The following SCTR variants were observed in gnomAD, a reference collection of about 807,000 sequenced individuals.
The protein encoded by SCTR is secretin receptor, also known as pancreatic secretin receptor.
A neutral mutation model predicts 60.8 loss-of-function variants in SCTR; 56 were observed. The ratio of observed to expected loss-of-function variants is 0.92; its 90% CI spans 0.74 to 1.15. SCTR has a LOEUF of 1.15. Ranked by LOEUF, SCTR falls within the 50% of genes most tolerant of loss-of-function variation. The pLI, the probability that SCTR is intolerant of heterozygous loss-of-function variation, is 0.00. For synonymous variants in SCTR, 202 were observed against 217.0 expected (o/e 0.93, Z 0.61); for missense variants, 562 against 550.4 (o/e 1.02, Z -0.21).
At chr2:119,513,052 C>A (rs182745927) in intron 1 of SCTR, among the ~76,000 whole-genome samples, 3 of 152,290 alleles carry the variant, frequency 2.0e-5, no homozygotes, top group East Asian at 3.9e-4. Context: ...TGCCTGGTGG[C>A]CTTCACTGTA....
chr2:119,507,547 A>G (rs1194473023), intron 1 of SCTR, among the ~76,000 whole-genome samples: 4 of 152,020 alleles, frequency 2.6e-5, no homozygotes, highest in Non-Finnish European at 5.9e-5. Flanking sequence ...AGCAGCAGTT[A>G]TTAGTTTAAA....
At chr2:119,445,211 T>A (rs1682880872) in intron 11 of SCTR, among the ~76,000 whole-genome samples, 1 of 152,226 alleles carries the variant, frequency 6.6e-6, no homozygotes, top group African/African-American at 2.4e-5. Flanking sequence ...GTCCCTTTTC[T>A]GAGCCAGGTC....
intron 7 of SCTR, among the ~76,000 whole-genome samples, chr2:119,455,280 A>AC (rs377313582): frequency 8.6e-5 from 13 of 151,924 alleles, no homozygotes; most frequent in East Asian, 3.9e-4. Flanking sequence ...CCATGGGGGG[A>AC]CCCCCCAACA....
At chr2:119,504,081 C>T (rs886945844) in intron 1 of SCTR, among the ~76,000 whole-genome samples, 2 of 152,116 alleles carry the variant, frequency 1.3e-5, no homozygotes, top group Admixed American at 6.5e-5. Context: ...GATCAATGGA[C>T]ACAATAGAAA....
chr2:119,494,455 C>T lies in SCTR; in HGVS notation c.166G>A (p.Asp56Asn). The T allele has an allele frequency of 1.2e-6, 2 of 1,614,004 alleles. No homozygotes were observed. Among genetic ancestry groups the T allele is most frequent in the Non-Finnish European group, 8.5e-7 (1 of 1,179,950 alleles). The change falls in exon 2 of 13, where the codon GAC becomes AAC. Residue 56 changes from aspartate to asparagine, a missense_variant. Coordinates refer to ENST00000019103, the MANE Select transcript of SCTR (RefSeq NM_002980.3). ...GGCACTGGCTGCTCCGTGCCCAGGT[C>T]TCCTGTCTGCTCTCTGGAGAGTTCC... is the stretch of plus-strand genomic sequence containing the variant. ...LQELSREQTG[D>N]LGTEQPVPGC...
intron 1 of SCTR, among the ~76,000 whole-genome samples, chr2:119,506,897 G>A (rs566713044): frequency 5.3e-5 from 8 of 152,226 alleles, no homozygotes; most frequent in African/African-American, 1.9e-4. Context: ...CACCATGAAG[G>A]GCCCTTGTGA....
intron 1 of SCTR, among the ~76,000 whole-genome samples, chr2:119,497,563 T>C (rs145976029): frequency 2.3e-3 from 341 of 148,840 alleles, no homozygotes; most frequent in African/African-American, 7.9e-3. Context: ...TAGAAACAAA[T>C]GTAGAAATAC....
At chr2:119,464,030 G>A (rs1211749609) in intron 6 of SCTR, 93 bp downstream of exon 6, 1 of 1,352,010 alleles carries the variant, frequency 7.4e-7, no homozygotes, top group Non-Finnish European at 1.1e-6. Context: ...GCAGGGGCTT[G>A]GGGGAAGGAC....
intron 1 of SCTR, among the ~76,000 whole-genome samples, chr2:119,519,298 T>C (rs1249502182): frequency 3.3e-5 from 5 of 152,192 alleles, no homozygotes; most frequent in African/African-American, 9.6e-5. Context: ...CTAAACTGTT[T>C]GGGAACTGGT....
chr2:119,462,531 G>T (rs558643120), intron 6 of SCTR, among the ~76,000 whole-genome samples: 1 of 152,332 alleles, frequency 6.6e-6, no homozygotes, highest in South Asian at 2.1e-4. Flanking sequence ...ATATCTGATG[G>T]GGATGTCATG....
At position 119,524,300 on chromosome 2, in the gene SCTR, C is replaced by T. The variant is rs888822201; in HGVS notation, c.-74G>A. 12 of 1,059,520 alleles carry T rather than the reference C, an allele frequency of 1.1e-5. No homozygotes were observed. The highest frequency in any genetic ancestry group is 1.3e-5 in the Non-Finnish European group (10 of 794,112). 65.6% of individuals were successfully genotyped at this position (1,059,520 alleles called of 1,614,324 possible). A position where few individuals can be genotyped will look rare whatever the true frequency, so the allele number is the denominator to read the frequency against. On this transcript the variant is annotated 5_prime_UTR_variant, in exon 1 of 13. Transcript: ENST00000019103. ...CCTCTGCCCGCTCGGGAGCTCAGCG[C>T]CCCGCGCAGGGTCCCGGGCTCCGGC...
Position 119,453,992 on chromosome 2 carries a change from A to G in SCTR, c.791-645T>C, listed in dbSNP as rs559943879. Among the ~76,000 whole-genome samples, 4 of 152,348 alleles carry G rather than the reference A, an allele frequency of 2.6e-5. No individual in the cohort carries two copies. In the East Asian group the frequency reaches 7.7e-4, roughly 29 times the overall value. ...TATACATTTATCCCTACTTCCCCTG[A>G]AGCCCCTCTAAAATGATAATAAAGA... On this transcript the variant is annotated intron_variant, in intron 7 of 12. Coordinates refer to ENST00000019103, the MANE Select transcript of SCTR (RefSeq NM_002980.3).
chr2:119,520,578 A>T (rs1230991282), intron 1 of SCTR, among the ~76,000 whole-genome samples: 1 of 152,220 alleles, frequency 6.6e-6, no homozygotes, highest in African/African-American at 2.4e-5. Context: ...ATCCAGATGC[A>T]TGACCGGACA....
At chr2:119,488,030 C>G (rs769653679) in intron 2 of SCTR, among the ~76,000 whole-genome samples, 2 of 152,172 alleles carry the variant, frequency 1.3e-5, no homozygotes, top group Non-Finnish European at 2.9e-5. Context: ...ACATCACACC[C>G]GCTCCACACT....
At chr2:119,482,049 C>G (rs2104860434) in intron 2 of SCTR, among the ~76,000 whole-genome samples, 1 of 152,326 alleles carries the variant, frequency 6.6e-6, no homozygotes, top group South Asian at 2.1e-4. Context: ...GAAGTGGCTT[C>G]CCAGGCCACA....
At chr2:119,441,888 A>G (rs1682671206) in intron 11 of SCTR, among the ~76,000 whole-genome samples, 1 of 152,156 alleles carries the variant, frequency 6.6e-6, no homozygotes, top group Non-Finnish European at 1.5e-5. Flanking sequence ...CGGGATCAGG[A>G]AGCTCACCTG....
chr2:119,450,823 G>C (rs567347249), intron 9 of SCTR, among the ~76,000 whole-genome samples: 1 of 152,116 alleles, frequency 6.6e-6, no homozygotes, highest in Admixed American at 6.5e-5. Flanking sequence ...TTAGCTAGGC[G>C]TGGTGGTGGG....
rs1683808740 is a variant in SCTR at position 119,465,807 on chromosome 2, C to T, written c.485G>A (p.Gly162Asp). ...TTCTCACCGGAAAGCACAGAGGATG[C>T]CAAGGGCGACCAGGAGCATGACCAG... ...SSLVMLLVAL[G>D]ILCAFRRLHC... Residue 162 changes from glycine to aspartate, a missense_variant, in exon 5 of 13, where the codon GGC (glycine) becomes GAC (aspartate). Coordinates refer to ENST00000019103, the MANE Select transcript of SCTR (RefSeq NM_002980.3). 2 of 1,613,362 alleles carry T rather than the reference C, an allele frequency of 1.2e-6. No individual in the cohort carries two copies. Among genetic ancestry groups the T allele is most frequent in the Non-Finnish European group, 1.7e-6 (2 of 1,179,394 alleles).
At chr2:119,519,859 A>AG (rs1465470329) in intron 1 of SCTR, among the ~76,000 whole-genome samples, 1 of 150,042 alleles carries the variant, frequency 6.7e-6, no homozygotes, top group African/African-American at 2.4e-5. Flanking sequence ...AAGAAAAAAA[A>AG]AAGAAAAAAA....
Sources: allele counts gnomAD v4.1 joint callset (sites outside exome capture counted in the v4.1 genomes callset), GRCh38; gene constraint gnomAD v4.1.1; transcripts MANE v1.5; gene names NCBI Gene and HGNC (gene_info 2026-07-23, HGNC 2026-07-21).